Variants in INPP5B observed in about 807,000 individuals in gnomAD.
INPP5B encodes inositol polyphosphate-5-phosphatase B.
In INPP5B, 90 loss-of-function variants were observed where a neutral mutation model predicts 118.5. That is an observed-to-expected ratio of 0.76 (90% CI 0.64 to 0.90). The LOEUF is 0.90. Among genes scored for constraint, INPP5B ranks in the 40% least tolerant of loss-of-function variants. The pLI is 0.00. For synonymous variants in INPP5B, 385 were observed against 418.9 expected, an observed-to-expected ratio of 0.92 and a Z score of 0.99; for missense variants, 984 against 1,125.6, an observed-to-expected ratio of 0.87 and a Z score of 1.80.
chr1:37,891,733 C>T (rs976722047), intron 7 of INPP5B, among the ~76,000 whole-genome samples: 3 of 152,158 alleles, frequency 2.0e-5, no homozygotes, highest in Non-Finnish European at 4.4e-5. Context: ...AAGATCGTGC[C>T]GTTGCACTCC....
intron 23 of INPP5B, 96 bp from the exon 24 acceptor site, chr1:37,862,526 CATT>C (rs1641761231): frequency 7.7e-6 from 6 of 781,144 alleles, no homozygotes; most frequent in South Asian, 1.5e-5. Context: ...AGAAATGTGT[CATT>C]AGGTGATTTC....
chr1:37,869,816 C>T (rs1189892621), intron 19 of INPP5B: 1 of 151,982 alleles, frequency 6.6e-6, no homozygotes, highest in African/African-American at 2.4e-5. Context: ...TGACCTGTGA[C>T]AAATCACTCT....
At chr1:37,867,095 G>C (rs1011490144) in intron 20 of INPP5B, among the ~76,000 whole-genome samples, 4 of 152,194 alleles carry the variant, frequency 2.6e-5, no homozygotes, top group African/African-American at 9.6e-5. Flanking sequence ...AGCTGGGCTT[G>C]GTGGTACATG....
At chr1:37,876,292 T>G (rs1465869341) in intron 16 of INPP5B, among the ~76,000 whole-genome samples, 1 of 151,304 alleles carries the variant, frequency 6.6e-6, no homozygotes, top group Non-Finnish European at 1.5e-5. Flanking sequence ...TTTGTAGAGA[T>G]GAGGGGTTTT....
At chr1:37,900,309 C>G (rs1168621765) in intron 7 of INPP5B, among the ~76,000 whole-genome samples, 2 of 150,436 alleles carry the variant, frequency 1.3e-5, no homozygotes, top group African/African-American at 4.9e-5. Context: ...GGATGGAGTG[C>G]AATGGTGCGA....
intron 13 of INPP5B, chr1:37,883,762 C>G (rs1157721684): frequency 2.4e-5 from 24 of 985,298 alleles, no homozygotes; most frequent in Non-Finnish European, 2.8e-5. Flanking sequence ...CTGTCAGCTT[C>G]CAGAACACCA....
At chr1:37,931,743 C>T (rs1645476875) in intron 7 of INPP5B, 170 bp downstream of exon 7, 1 of 1,596,064 alleles carries the variant, frequency 6.3e-7, no homozygotes, top group Non-Finnish European at 8.5e-7. Context: ...GCTCCTCATC[C>T]CGCCGCCCGT....
rs187168555 is a variant in INPP5B, at chr1:37,923,757, G to A, written c.532+8156C>T. ...CTGCATTCAGAAATATGAAAATGGAGGGAGGAAAGGAGTAAGTGCAGTTCT... is the reference window on the plus strand; with the variant it reads ...CTGCATTCAGAAATATGAAAATGGAAGGAGGAAAGGAGTAAGTGCAGTTCT... On this transcript the variant is annotated intron_variant, in intron 7 of 23. Transcript: ENST00000373024. 1.2e-3 allele frequency among the ~76,000 whole-genome samples: 181 copies of A among 147,990 alleles called. 1 individual carries two copies. Among genetic ancestry groups the A allele is most frequent in the African/African-American group, 3.8e-3 (152 of 40,408 alleles).
intron 7 of INPP5B, among the ~76,000 whole-genome samples, chr1:37,900,638 T>C (rs1644297872): frequency 6.6e-6 from 1 of 150,550 alleles, no homozygotes; most frequent in African/African-American, 2.4e-5. Context: ...TTCTTTTTTT[T>C]TTTTGAGACA....
At chr1:37,884,776 C>A (rs929256411) in intron 13 of INPP5B, among the ~76,000 whole-genome samples, 1 of 151,476 alleles carries the variant, frequency 6.6e-6, no homozygotes, top group Non-Finnish European at 1.5e-5. Flanking sequence ...ATGGTGAAAC[C>A]CCACTCTCTA....
rs550123483 is a variant in INPP5B at position 37,894,878 on chromosome 1, A to C, written c.533-3424T>G. On this transcript the variant is annotated intron_variant, in intron 7 of 23. Transcript: ENST00000373024. ...TATATGTTTAAATACGTAACATCCAAGTTCAAGTCTGTAGCATTCTTTTGG... is the reference window on the plus strand; with the variant it reads ...TATATGTTTAAATACGTAACATCCACGTTCAAGTCTGTAGCATTCTTTTGG... Among the ~76,000 whole-genome samples the C allele has an allele frequency of 9.2e-5, 14 of 152,314 alleles. No homozygotes were observed. In the East Asian group the frequency reaches 2.7e-3, roughly 29 times the overall value.
rs1316528067 is a variant in INPP5B, at chr1:37,887,379, C to T, written c.986G>A (p.Gly329Asp). 2.5e-6 allele frequency: 4 copies of T among 1,612,256 alleles called. No homozygotes were observed. The highest frequency in any genetic ancestry group is 2.2e-5 in the South Asian group (2 of 90,996). ...TGCATATTTGGCATCTGGATGAAGA[C>T]CCTCTGACACAGCTTTGAACCACTC... is the stretch of plus-strand genomic sequence containing the variant. ...EEEWFKAVSE[G>D]LHPDAKYAKV... Residue 329 changes from glycine (G) to aspartate (D), a missense_variant, in exon 11 of 24, where the codon GGT becomes GAT. Around this residue, in one of 2 missense-constraint regions of INPP5B, gnomAD observed 634 missense variants for 791.0 expected, o/e 0.80. Transcript: ENST00000373024.
At chr1:37,923,938 T>C (rs1645139036) in intron 7 of INPP5B, among the ~76,000 whole-genome samples, 1 of 151,832 alleles carries the variant, frequency 6.6e-6, no homozygotes, top group Non-Finnish European at 1.5e-5. Context: ...CCACCACACC[T>C]GGCTAATTTT....
chr1:37,945,417 C>T (rs1321058280), intron 3 of INPP5B, among the ~76,000 whole-genome samples: 1 of 152,114 alleles, frequency 6.6e-6, no homozygotes, highest in African/African-American at 2.4e-5. Context: ...TGGGCAAAGA[C>T]CAAGACTCCT....
chr1:37,945,716 C>A, intron 3 of INPP5B, 40 bp downstream of exon 3: 1 of 1,497,126 alleles, frequency 6.7e-7, no homozygotes, highest in South Asian at 1.1e-5. Flanking sequence ...GATGAACAAC[C>A]CCATGGCCCA....
chr1:37,876,774 G>T (rs1226646959), intron 16 of INPP5B, among the ~76,000 whole-genome samples: 2 of 151,456 alleles, frequency 1.3e-5, no homozygotes, highest in Non-Finnish European at 2.9e-5. Context: ...CAGCTACTCG[G>T]GAGGCTGAGG....
At chr1:37,904,820 T>A (rs1033856240) in intron 7 of INPP5B, among the ~76,000 whole-genome samples, 1 of 151,122 alleles carries the variant, frequency 6.6e-6, no homozygotes, top group African/African-American at 2.4e-5. Context: ...GAGGTTGCGG[T>A]GAGCCAAGAT....
At chr1:37,865,073 G>C (rs1440434474) in intron 22 of INPP5B, among the ~76,000 whole-genome samples, 3 of 152,038 alleles carry the variant, frequency 2.0e-5, no homozygotes, top group Non-Finnish European at 4.4e-5. Context: ...TGTAATCCCA[G>C]CTACTCAGGA....
Position 37,944,598 on chromosome 1 carries a change from G to GT in INPP5B, c.153-706dup, listed in dbSNP as rs375820267. Among the ~76,000 whole-genome samples the GT allele has an allele frequency of 3.3e-3, 465 of 140,080 alleles. 1 individual carries two copies. Among genetic ancestry groups the GT allele is most frequent in the African/African-American group, 6.9e-3 (263 of 38,104 alleles). 91.9% of individuals were successfully genotyped at this position (140,080 alleles called of 152,430 possible). On this transcript the variant is annotated intron_variant, in intron 3 of 23. Coordinates refer to ENST00000373024, the MANE Select transcript of INPP5B (RefSeq NM_005540.3). ...CCATGGTGTTCGTTTTTTTTTTCTT[G>GT]TTTTTTTTTTTATAGAGACAGGGTC...
Sources: allele counts gnomAD v4.1 joint callset (sites outside exome capture counted in the v4.1 genomes callset), GRCh38; gene constraint gnomAD v4.1.1; regional missense constraint gnomAD v4.1.1; transcripts MANE v1.5; gene names NCBI Gene and HGNC (gene_info 2026-07-23, HGNC 2026-07-21).